The following NPAS3 variants were observed in gnomAD, a reference collection of about 807,000 sequenced individuals.
NPAS3 encodes the protein neuronal PAS domain protein 3, also known as neuronal PAS domain-containing protein 3.
Under a neutral mutation model 73.1 loss-of-function variants are expected in NPAS3, and 14 were observed. The observed-to-expected ratio is 0.19, with a 90% CI of 0.13 to 0.30. NPAS3 has a LOEUF of 0.30. NPAS3 is among the 10% of genes least tolerant of loss of function. The pLI, the probability that NPAS3 is intolerant of heterozygous loss-of-function variation, is 1.00. For missense variants in NPAS3, 1,096 were observed against 1,250.0 expected (o/e 0.88, Z 1.86); for synonymous variants, 620 against 541.5 (o/e 1.14, Z -2.01).
intron 6 of NPAS3, among the ~76,000 whole-genome samples, chr14:33,722,826 T>C (rs1190622088): frequency 6.6e-6 from 1 of 152,202 alleles, no homozygotes; most frequent in Admixed American, 6.5e-5. Flanking sequence ...TCTTTATTGA[T>C]GATGGATTTA....
intron 4 of NPAS3, among the ~76,000 whole-genome samples, chr14:33,532,301 C>T (rs903539386): frequency 6.6e-6 from 1 of 151,992 alleles, no homozygotes; most frequent in Non-Finnish European, 1.5e-5. Context: ...TCAGTTTTTC[C>T]TTTCTTTGGT....
chr14:33,134,147 T>C (rs187694681), intron 2 of NPAS3, among the ~76,000 whole-genome samples: 2 of 152,308 alleles, frequency 1.3e-5, no homozygotes, highest in South Asian at 2.1e-4. Context: ...TACACTTACA[T>C]ATCAAATCTT....
chr14:33,055,814 T>TC, intron 1 of NPAS3, 91 bp from the exon 2 acceptor site: 1 of 534,120 alleles, frequency 1.9e-6, no homozygotes, highest in Non-Finnish European at 3.4e-6. Context: ...AAAAGCAAAA[T>TC]ATATTGAATT....
intron 2 of NPAS3, among the ~76,000 whole-genome samples, chr14:33,079,573 C>CTCCCAAAG (rs368963609): frequency 0.25 from 35,443 of 140,844 alleles, 4,634 homozygotes; most frequent in South Asian, 0.38. Flanking sequence ...CCGCCTCGGC[C>CTCCCAAAG]TCCCAAAGTG....
chr14:33,018,603 T>C (rs1202612406), intron 1 of NPAS3, among the ~76,000 whole-genome samples: 1 of 152,080 alleles, frequency 6.6e-6, no homozygotes, highest in Non-Finnish European at 1.5e-5. Flanking sequence ...TACTCTTCTT[T>C]AACTTTATGA....
chr14:33,687,416 C>A (rs1053629637), intron 6 of NPAS3, among the ~76,000 whole-genome samples: 9 of 152,104 alleles, frequency 5.9e-5, no homozygotes, highest in Admixed American at 3.9e-4. Context: ...CAGAGGGCAT[C>A]CTCTCCAAAT....
intron 2 of NPAS3, among the ~76,000 whole-genome samples, chr14:33,154,742 A>G (rs187423592): frequency 4.8e-4 from 73 of 152,318 alleles, no homozygotes; most frequent in African/African-American, 1.7e-3. Flanking sequence ...TTCCTAACAA[A>G]CAAATATGAC....
At chr14:32,972,761 G>A (rs372548806) in intron 1 of NPAS3, among the ~76,000 whole-genome samples, 7 of 152,158 alleles carry the variant, frequency 4.6e-5, no homozygotes, top group Non-Finnish European at 4.4e-5. Context: ...CATTTTGTTA[G>A]AAGAGTCATC....
At position 33,322,457 on chromosome 14, in the gene NPAS3, C is replaced by T. The variant is rs375120771; in HGVS notation, c.386-44729C>T. Among the ~76,000 whole-genome samples the T allele has an allele frequency of 2.2e-4, 33 of 150,440 alleles. 1 individual carries two copies. Among genetic ancestry groups the T allele is most frequent in the East Asian group, 9.7e-4 (5 of 5,142 alleles). Reference sequence around the variant, plus strand: ...TTTTGCTAATTTTTTTGTATAAGTACGGGTGTGTGTGTCCTCTGTGTATAT... The same window carrying T: ...TTTTGCTAATTTTTTTGTATAAGTATGGGTGTGTGTGTCCTCTGTGTATAT... On this transcript the variant is annotated intron_variant, in intron 3 of 11. Coordinates refer to ENST00000356141, the Ensembl canonical transcript of NPAS3.
At chr14:33,545,954 G>A (rs747411002) in intron 4 of NPAS3, among the ~76,000 whole-genome samples, 2 of 152,138 alleles carry the variant, frequency 1.3e-5, no homozygotes, top group East Asian at 3.9e-4. Flanking sequence ...AGCAATGATC[G>A]CAGTCAAGGG....
At position 33,626,411 on chromosome 14, in the gene NPAS3, T is replaced by C. The variant is rs148155966; in HGVS notation, c.559-49800T>C. Among the ~76,000 whole-genome samples, 455 of 152,292 alleles carry C rather than the reference T, an allele frequency of 3.0e-3. 3 individuals carry two copies. The highest frequency in any genetic ancestry group is 0.011 in the African/African-American group (437 of 41,568). ...GAAATTCAGTGCTTCTTGTACAAGA[T>C]GTTTTACAAGACTTTAAAAATTCTC... On this transcript the variant is annotated intron_variant, in intron 5 of 11. Coordinates refer to ENST00000356141, the Ensembl canonical transcript of NPAS3.
chr14:33,687,535 T>C (rs2060123579), intron 6 of NPAS3, among the ~76,000 whole-genome samples: 1 of 152,208 alleles, frequency 6.6e-6, no homozygotes, highest in African/African-American at 2.4e-5. Flanking sequence ...CAGGGATTGA[T>C]GTCAGAGGGA....
At chr14:33,525,808 A>G (rs907188597) in intron 4 of NPAS3, among the ~76,000 whole-genome samples, 1 of 152,128 alleles carries the variant, frequency 6.6e-6, no homozygotes, top group African/African-American at 2.4e-5. Flanking sequence ...GGAATGTGAC[A>G]TGGGAGGTAG....
In NPAS3 at chr14:33,724,749, C is replaced by CA. The variant is rs56302116; in HGVS notation, c.734-10453dup. Among the ~76,000 whole-genome samples the CA allele has an allele frequency of 0.01, 1,365 of 134,380 alleles. 35 individuals carry two copies. In the East Asian group the frequency reaches 0.11, roughly 11 times the overall value. 88.2% of individuals were successfully genotyped at this position (134,380 alleles called of 152,430 possible). A position where few individuals can be genotyped will look rare whatever the true frequency, so the allele number is the denominator to read the frequency against. ...CTTCTGGTAATTTAATGTTTTCTCTCAAAAAAAAAAAACAAATCTTTAAAG... is the reference window on the plus strand; with the variant it reads ...CTTCTGGTAATTTAATGTTTTCTCTCAAAAAAAAAAAAACAAATCTTTAAAG... On this transcript the variant is annotated intron_variant, in intron 6 of 11. Coordinates refer to ENST00000356141, the Ensembl canonical transcript of NPAS3.
intron 10 of NPAS3, 53 bp from the exon 11 acceptor site, chr14:33,797,404 C>T: frequency 1.3e-6 from 2 of 1,591,682 alleles, no homozygotes; most frequent in Admixed American, 1.7e-5. Flanking sequence ...ATGGTCCAAA[C>T]AAACCATGCA....
At chr14:33,795,479 C>G (rs1228261136) in intron 10 of NPAS3, among the ~76,000 whole-genome samples, 1 of 152,088 alleles carries the variant, frequency 6.6e-6, no homozygotes, top group African/African-American at 2.4e-5. Flanking sequence ...ACATGCCAGA[C>G]AGAAAATGGA....
chr14:33,132,078 A>G (rs1201394449), intron 2 of NPAS3, among the ~76,000 whole-genome samples: 1 of 152,100 alleles, frequency 6.6e-6, no homozygotes, highest in Admixed American at 6.6e-5. Context: ...TTTAAACTGT[A>G]AACAATGTAG....
chr14:33,379,748 C>T (rs2046459237), intron 4 of NPAS3, among the ~76,000 whole-genome samples: 1 of 152,084 alleles, frequency 6.6e-6, no homozygotes, highest in Non-Finnish European at 1.5e-5. Context: ...TGATTGCAGA[C>T]ACCAATGAGA....
At chr14:33,280,305 A>C (rs7160572) in intron 3 of NPAS3, among the ~76,000 whole-genome samples, 70,452 of 151,976 alleles carry the variant, frequency 0.46, 18,051 homozygotes, top group African/African-American at 0.68. Context: ...GTTCAGAAAA[A>C]TATGTGTATT....
Sources: allele counts gnomAD v4.1 joint callset (sites outside exome capture counted in the v4.1 genomes callset), GRCh38; gene constraint gnomAD v4.1.1; transcripts MANE v1.5; gene names NCBI Gene and HGNC (gene_info 2026-07-23, HGNC 2026-07-21).